ENKUR: variants seen among roughly 807,000 people sequenced by gnomAD.
ENKUR encodes enkurin.
In ENKUR, 19 loss-of-function variants were observed where a neutral mutation model predicts 27.6. The ratio of observed to expected loss-of-function variants is 0.69; its 90% CI spans 0.48 to 1.01. ENKUR has a LOEUF of 1.01. Ranked by LOEUF, ENKUR falls within the 50% of genes least tolerant of loss-of-function variation. The pLI is 0.00. For synonymous variants in ENKUR, 117 were observed against 96.9 expected, an observed-to-expected ratio of 1.21 and a Z score of -1.22; for missense variants, 312 against 310.5, an observed-to-expected ratio of 1.00 and a Z score of -0.04.
intron 1 of ENKUR, among the ~76,000 whole-genome samples, chr10:25,001,023 A>G (rs1222862169): frequency 6.6e-6 from 1 of 152,032 alleles, no homozygotes; most frequent in African/African-American, 2.4e-5. Context: ...GTGTTGTAAT[A>G]TATTTTACTT....
At chr10:25,026,960 G>A (rs575415194) in intron 2 of ENKUR, among the ~76,000 whole-genome samples, 6 of 152,088 alleles carry the variant, frequency 3.9e-5, no homozygotes, top group South Asian at 4.1e-4. Context: ...TCAAAGTTAC[G>A]TTTGTTCATG....
At chr10:24,985,945 GTAGTCCCAGC>G (rs1849768748) in intron 4 of ENKUR, among the ~76,000 whole-genome samples, 1 of 152,150 alleles carries the variant, frequency 6.6e-6, no homozygotes, top group Non-Finnish European at 1.5e-5. Context: ...GCATGGGCCT[GTAGTCCCAGC>G]TACCTGAGAG....
At chr10:25,055,608 T>G (rs1851247062) in intron 2 of ENKUR, among the ~76,000 whole-genome samples, 1 of 150,604 alleles carries the variant, frequency 6.6e-6, no homozygotes, top group African/African-American at 2.4e-5. Flanking sequence ...TGGTCTACGT[T>G]GGAATGATAA....
intron 2 of ENKUR, among the ~76,000 whole-genome samples, chr10:24,996,726 A>G (rs951292247): frequency 2.0e-5 from 3 of 152,134 alleles, no homozygotes; most frequent in Non-Finnish European, 4.4e-5. Context: ...CTTTTTTATT[A>G]GTTTATATAA....
upstream of ENKUR, among the ~76,000 whole-genome samples, chr10:25,020,426 G>A (rs1850696927): frequency 6.6e-6 from 1 of 152,098 alleles, no homozygotes; most frequent in African/African-American, 2.4e-5. Flanking sequence ...TTTTAATGAA[G>A]TTGATGTTAA....
chr10:25,059,611 A>T (rs1434107921), intron 2 of ENKUR, among the ~76,000 whole-genome samples: 2 of 152,056 alleles, frequency 1.3e-5, no homozygotes, highest in Non-Finnish European at 2.9e-5. Flanking sequence ...AGTGCCTGGT[A>T]CCCCCACTGG....
chr10:25,058,647 G>A (rs1851288589), intron 2 of ENKUR, among the ~76,000 whole-genome samples: 2 of 152,122 alleles, frequency 1.3e-5, no homozygotes, highest in South Asian at 4.1e-4. Flanking sequence ...TAAGGAGGGG[G>A]AGGCCAGGTG....
chr10:25,012,505 C>G (rs965407024), intron 1 of ENKUR, among the ~76,000 whole-genome samples: 1 of 152,238 alleles, frequency 6.6e-6, no homozygotes, highest in Non-Finnish European at 1.5e-5. Context: ...CCATAGGATC[C>G]CACCTCTTGC....
At chr10:25,007,739 T>C (rs1850348371) in intron 1 of ENKUR, among the ~76,000 whole-genome samples, 1 of 152,070 alleles carries the variant, frequency 6.6e-6, no homozygotes, top group South Asian at 2.1e-4. Flanking sequence ...CAGCCACGTA[T>C]AGATTTCTGA....
chr10:25,026,755 C>T (rs1016555732), intron 2 of ENKUR: 4 of 153,104 alleles, frequency 2.6e-5, no homozygotes, highest in Non-Finnish European at 5.9e-5. Flanking sequence ...GGGAGAACAA[C>T]CTCCATAAAG....
At chr10:25,007,656 G>C (rs113265117) in intron 1 of ENKUR, among the ~76,000 whole-genome samples, 1 of 152,118 alleles carries the variant, frequency 6.6e-6, no homozygotes, top group Non-Finnish European at 1.5e-5. Flanking sequence ...GGATGTTCTC[G>C]ATCTCCTGAC....
chr10:25,029,196 G>A (rs1588678557), intron 2 of ENKUR, among the ~76,000 whole-genome samples: 3 of 152,192 alleles, frequency 2.0e-5, no homozygotes, highest in Admixed American at 2.0e-4. Flanking sequence ...TTAATAGCAT[G>A]TAAAACCATT....
chr10:24,986,451 T>C (rs1188306447), intron 4 of ENKUR, among the ~76,000 whole-genome samples: 1 of 152,200 alleles, frequency 6.6e-6, no homozygotes, highest in Non-Finnish European at 1.5e-5. Flanking sequence ...CTTGACAGTG[T>C]ATGCGATGTA....
chr10:25,000,965 T>C (rs992332495), intron 1 of ENKUR, among the ~76,000 whole-genome samples: 5 of 152,108 alleles, frequency 3.3e-5, no homozygotes, highest in Non-Finnish European at 7.4e-5. Flanking sequence ...ACATGTGGTA[T>C]GAGAACCTTT....
intron 2 of ENKUR, chr10:25,025,068 A>G: frequency 6.2e-7 from 1 of 1,614,220 alleles, no homozygotes; most frequent in Non-Finnish European, 8.5e-7. Context: ...AGGATTTTGT[A>G]GCTGACTGGT....
intron 2 of ENKUR, among the ~76,000 whole-genome samples, chr10:25,034,815 T>C (rs1263835238): frequency 1.3e-5 from 2 of 152,220 alleles, no homozygotes; most frequent in African/African-American, 4.8e-5. Context: ...GTTCAAGAGA[T>C]ACCCCCTTTT....
intron 2 of ENKUR, among the ~76,000 whole-genome samples, chr10:25,029,799 A>G (rs1277372233): frequency 6.6e-6 from 1 of 152,198 alleles, no homozygotes; most frequent in African/African-American, 2.4e-5. Context: ...AAAGTTGCCA[A>G]TGTCATGGAA....
intron 2 of ENKUR, among the ~76,000 whole-genome samples, chr10:24,998,533 C>T (rs953818248): frequency 6.6e-6 from 1 of 151,960 alleles, no homozygotes; most frequent in African/African-American, 2.4e-5. Context: ...TGCCATCACA[C>T]CTAGCTAATT....
At chr10:25,022,508 A>T (rs1035994063) in intron 2 of ENKUR, among the ~76,000 whole-genome samples, 2 of 152,250 alleles carry the variant, frequency 1.3e-5, no homozygotes, top group African/African-American at 4.8e-5. Flanking sequence ...TTCAATATGA[A>T]TAATATGTAA....
Sources: allele counts gnomAD v4.1 joint callset (sites outside exome capture counted in the v4.1 genomes callset), GRCh38; gene constraint gnomAD v4.1.1; transcripts MANE v1.5; gene names NCBI Gene and HGNC (gene_info 2026-07-23, HGNC 2026-07-21).